ANKRD36C: variants seen among roughly 807,000 people sequenced by gnomAD.
ANKRD36C encodes ankyrin repeat domain 36C.
A neutral mutation model predicts 276.4 loss-of-function variants in ANKRD36C; 61 were observed. The observed-to-expected ratio is 0.22, with a 90% CI of 0.18 to 0.27. The LOEUF (loss-of-function observed/expected upper bound fraction) is 0.27, where lower values mean the gene tolerates loss of function less well. Among genes scored for constraint, ANKRD36C ranks in the 10% least tolerant of loss-of-function variants. ANKRD36C has a pLI of 1.00. For synonymous variants in ANKRD36C, 483 were observed against 680.1 expected, an observed-to-expected ratio of 0.71 and a Z score of 4.51; for missense variants, 1,447 against 2,032.3, an observed-to-expected ratio of 0.71 and a Z score of 5.54.
intron 58 of ANKRD36C, among the ~76,000 whole-genome samples, chr2:95,877,116 CAG>C (rs2104313017): frequency 6.8e-6 from 1 of 147,184 alleles, no homozygotes; most frequent in African/African-American, 2.5e-5. Flanking sequence ...CCAATAGAAA[CAG>C]AAAAAGTAAC....
chr2:95,911,050 G>A (rs1195662126), intron 42 of ANKRD36C, among the ~76,000 whole-genome samples: 1 of 151,446 alleles, frequency 6.6e-6, no homozygotes, highest in Non-Finnish European at 1.5e-5. Flanking sequence ...TACTTCAGTT[G>A]AACTTACACT....
chr2:95,941,040 A>G (rs1291373547), intron 20 of ANKRD36C, 120 bp downstream of exon 20: 1 of 670,292 alleles, frequency 1.5e-6, no homozygotes, highest in African/African-American at 1.9e-5. Context: ...AAATTATATT[A>G]AAGCATAGAA....
At chr2:95,890,921 G>C (rs923371123) in intron 46 of ANKRD36C, among the ~76,000 whole-genome samples, 8 of 151,304 alleles carry the variant, frequency 5.3e-5, no homozygotes, top group African/African-American at 1.9e-4. Context: ...CCTTGAACAA[G>C]GAAGCAAATT....
intron 46 of ANKRD36C, among the ~76,000 whole-genome samples, chr2:95,890,852 G>A (rs1676332210): frequency 6.6e-6 from 1 of 151,404 alleles, no homozygotes; most frequent in African/African-American, 2.4e-5. Context: ...CTTTTTGGGA[G>A]GACCATGTTA....
At chr2:95,921,937 T>G (rs1454174123) in intron 32 of ANKRD36C, 127 bp from the exon 33 acceptor site, 73 of 1,035,602 alleles carry the variant, frequency 7.0e-5, no homozygotes, top group Non-Finnish European at 8.9e-5. Flanking sequence ...TTCTACTTTA[T>G]GTCTTAAGCC....
chr2:95,861,833 G>C (rs1279297625), intron 60 of ANKRD36C, among the ~76,000 whole-genome samples: 1 of 151,962 alleles, frequency 6.6e-6, no homozygotes, highest in African/African-American at 2.4e-5. Flanking sequence ...CCAACTACAG[G>C]CTGCCTATAA....
chr2:95,929,641 C>T lies in ANKRD36C; in HGVS notation c.1736-374G>A, dbSNP rs562747841. Among the ~76,000 whole-genome samples the T allele has an allele frequency of 4.0e-5, 6 of 151,734 alleles. No individual in the cohort carries two copies. The South Asian group carries it at 1.0e-3, about 26-fold the overall frequency. ...CGTCAAAGCAGGTGATACATGCACC[C>T]GCATGTCTTTCATGCAAGATATCAG... On this transcript the variant is annotated intron_variant, in intron 24 of 66. Transcript: ENST00000456556.
At chr2:95,963,948 TATATATATAA>T (rs1191790721) in intron 6 of ANKRD36C, among the ~76,000 whole-genome samples, 1 of 83,940 alleles carries the variant, frequency 1.2e-5, no homozygotes, top group Non-Finnish European at 2.4e-5. Flanking sequence ...TATATAAATA[TATATATATAA>T]ATATATATAT....
At chr2:95,976,016 A>G (rs1443938084) in intron 6 of ANKRD36C, among the ~76,000 whole-genome samples, 1 of 152,228 alleles carries the variant, frequency 6.6e-6, no homozygotes, top group Admixed American at 6.5e-5. Flanking sequence ...AGCCAAAAAA[A>G]CACATGAAAA....
intron 48 of ANKRD36C, among the ~76,000 whole-genome samples, 193 bp downstream of exon 68, chr2:95,889,606 A>T (rs958785031): frequency 2.6e-5 from 4 of 151,532 alleles, no homozygotes; most frequent in African/African-American, 9.7e-5. Flanking sequence ...ACAGACATCT[A>T]AAATCTTAGT....
chr2:95,890,115 C>A, intron 46 of ANKRD36C, 121 bp from the exon 67 acceptor site: 1 of 1,315,658 alleles, frequency 7.6e-7, no homozygotes. Context: ...GCTTTGATGG[C>A]TTCTATATTG....
chr2:95,866,933 G>C (rs1369719354), intron 60 of ANKRD36C, among the ~76,000 whole-genome samples: 3 of 152,272 alleles, frequency 2.0e-5, no homozygotes, highest in Middle Eastern at 3.4e-3. Context: ...CACTGGCTGT[G>C]ACACAGAGAA....
intron 36 of ANKRD36C, among the ~76,000 whole-genome samples, chr2:95,917,269 A>G (rs2104413289): frequency 6.6e-6 from 1 of 151,738 alleles, no homozygotes; most frequent in East Asian, 2.0e-4. Context: ...CCAAAATCAA[A>G]TATTTTTTAA....
chr2:95,960,602 C>T (rs1046192112), intron 9 of ANKRD36C, 37 bp downstream of exon 9: 34 of 1,351,054 alleles, frequency 2.5e-5, no homozygotes, highest in Non-Finnish European at 3.3e-5. Flanking sequence ...ATAGACTATA[C>T]AGTTAATTAT....
At chr2:95,968,035 T>G (rs1678628062) in intron 6 of ANKRD36C, among the ~76,000 whole-genome samples, 1 of 152,098 alleles carries the variant, frequency 6.6e-6, no homozygotes, top group Non-Finnish European at 1.5e-5. Flanking sequence ...GAGGTTGCAG[T>G]GAGCCAAGAT....
At chr2:95,857,231 T>G in intron 62 of ANKRD36C, 78 bp downstream of exon 82, 1 of 1,535,878 alleles carries the variant, frequency 6.5e-7, no homozygotes, top group Non-Finnish European at 8.7e-7. Flanking sequence ...GCCTAAATAA[T>G]GTACATTAAA....
chr2:95,960,745 T>A, intron 8 of ANKRD36C, 78 bp from the exon 9 acceptor site: 1 of 644,668 alleles, frequency 1.6e-6, no homozygotes, highest in East Asian at 2.8e-5. Context: ...AGTGTTACCA[T>A]CAAGCTGTAT....
At chr2:95,978,617 G>A in intron 5 of ANKRD36C, among the ~76,000 whole-genome samples, 1 of 152,106 alleles carries the variant, frequency 6.6e-6, no homozygotes, top group Non-Finnish European at 1.5e-5. Flanking sequence ...TAGTAAAGCA[G>A]TGGAGCTTGT....
rs1558628356 is a variant in ANKRD36C, at chr2:95,890,003, C to CA, written c.2858-10dup. 1 of 1,605,716 alleles carries CA rather than the reference C, an allele frequency of 6.2e-7. No homozygotes were observed. The highest frequency in any genetic ancestry group is 2.2e-5 in the East Asian group (1 of 44,680). On this transcript the variant is annotated splice_polypyrimidine_tract_variant and intron_variant, in intron 46 of 66. Transcript: ENST00000456556. ...TTGTTTATGAGAAGACACTGAAAAGCAAAAAGGATACATAATCACTCATAC... is the reference window on the plus strand; with the variant it reads ...TTGTTTATGAGAAGACACTGAAAAGCAAAAAAGGATACATAATCACTCATAC...
Sources: allele counts gnomAD v4.1 joint callset (sites outside exome capture counted in the v4.1 genomes callset), GRCh38; gene constraint gnomAD v4.1.1; transcripts MANE v1.5; gene names NCBI Gene and HGNC (gene_info 2026-07-23, HGNC 2026-07-21).